BACH2: variants seen among roughly 807,000 people sequenced by gnomAD.
BACH2 encodes the protein transcription regulator protein BACH2.
In BACH2, 5 loss-of-function variants were observed where a neutral mutation model predicts 61.8. The observed-to-expected ratio is 0.08, with a 90% CI of 0.04 to 0.17. The LOEUF (loss-of-function observed/expected upper bound fraction) is 0.17, where lower values mean the gene tolerates loss of function less well. Ranked by LOEUF, BACH2 falls within the 10% of genes least tolerant of loss-of-function variation. BACH2 has a pLI of 1.00. For missense variants in BACH2, 824 were observed against 1,091.1 expected, an observed-to-expected ratio of 0.76 and a Z score of 3.45; for synonymous variants, 446 against 440.1, an observed-to-expected ratio of 1.01 and a Z score of -0.17.
chr6:90,052,585 A>G (rs2127795117), intron 5 of BACH2, among the ~76,000 whole-genome samples: 2 of 152,228 alleles, frequency 1.3e-5, no homozygotes, highest in East Asian at 1.9e-4. Context: ...ATGCCTGGCT[A>G]ATTTTTCATA....
intron 4 of BACH2, among the ~76,000 whole-genome samples, chr6:90,174,941 C>G (rs1767938770): frequency 6.7e-6 from 1 of 149,740 alleles, no homozygotes; most frequent in Admixed American, 6.6e-5. Context: ...ACAAACAAGA[C>G]AGTAAGTAAC....
At chr6:90,076,281 T>A (rs768979943) in intron 5 of BACH2, among the ~76,000 whole-genome samples, 1 of 152,172 alleles carries the variant, frequency 6.6e-6, no homozygotes, top group African/African-American at 2.4e-5. Context: ...TCATAATGCA[T>A]GTCAGATTCT....
chr6:90,096,349 C>T (rs1342767498), intron 4 of BACH2, among the ~76,000 whole-genome samples: 3 of 152,218 alleles, frequency 2.0e-5, no homozygotes, highest in Admixed American at 2.0e-4. Flanking sequence ...AAATATGTCA[C>T]TTGCAGAGAC....
intron 4 of BACH2, among the ~76,000 whole-genome samples, chr6:90,157,058 C>T (rs1232215459): frequency 6.6e-6 from 1 of 152,188 alleles, no homozygotes; most frequent in African/African-American, 2.4e-5. Context: ...TCAAGGCTCA[C>T]AAACAGGAAA....
In BACH2 at chr6:89,931,258, T is replaced by C. The variant is rs532081671; in HGVS notation, c.*1150A>G. 2.0e-5 allele frequency: 3 copies of C among 152,466 alleles called. No individual in the cohort carries two copies. In the East Asian group the frequency reaches 5.6e-4, roughly 29 times the overall value. The allele number at this position is 152,466 out of a possible 1,614,324, so 9.4% of individuals were successfully genotyped here. A position where few individuals can be genotyped will look rare whatever the true frequency, so the allele number is the denominator to read the frequency against. Reference sequence around the variant, plus strand: ...TCCAAACTCTCTCCCCACTTAGGAATCTGAACATCCAGCATCAACTCTGAA... The same window carrying C: ...TCCAAACTCTCTCCCCACTTAGGAACCTGAACATCCAGCATCAACTCTGAA... On this transcript the variant is annotated 3_prime_UTR_variant, in exon 9 of 9. Transcript: ENST00000257749.
In BACH2 at chr6:89,950,433, G is replaced by A; in HGVS notation, c.1673C>T (p.Ala558Val). The A allele has an allele frequency of 6.2e-7, 1 of 1,614,174 alleles. No homozygotes were observed. Among genetic ancestry groups the A allele is most frequent in the Non-Finnish European group, 8.5e-7 (1 of 1,180,028 alleles). The change falls in exon 7 of 9, where the codon GCC becomes GTC. Residue 558 changes from alanine to valine, a missense_variant. Ala to Val is a moderately conservative substitution (Grantham distance 64). Transcript: ENST00000257749. The surrounding 1 kb of genome is among the most constrained non-coding windows in gnomAD (Gnocchi z 5.3). ...SPCSQGARFL[A>V]TEHQEPGLMG... is the part of the protein sequence containing the mutation. ...CAGGCCTGGTTCCTGATGTTCTGTG[G>A]CAAGGAATCTGGCTCCCTGGGAACA...
chr6:90,291,338 G>T (rs923073204), intron 1 of BACH2, among the ~76,000 whole-genome samples: 1 of 152,138 alleles, frequency 6.6e-6, no homozygotes, highest in African/African-American at 2.4e-5. Context: ...TTGAAGTAGT[G>T]TCACTAGCAG....
intron 6 of BACH2, among the ~76,000 whole-genome samples, chr6:89,988,934 C>T (rs944743678): frequency 1.3e-5 from 2 of 152,196 alleles, no homozygotes; most frequent in African/African-American, 4.8e-5. Context: ...GTAGTTCCCT[C>T]AGGTCTGCAA....
intron 3 of BACH2, among the ~76,000 whole-genome samples, chr6:90,227,719 T>C (rs138471667): frequency 6.6e-6 from 1 of 152,200 alleles, no homozygotes; most frequent in East Asian, 1.9e-4. Flanking sequence ...TTTGGTGATC[T>C]GAAATATCAA....
chr6:89,960,661 C>T (rs1006138642), intron 6 of BACH2, among the ~76,000 whole-genome samples: 1 of 152,342 alleles, frequency 6.6e-6, no homozygotes, highest in South Asian at 2.1e-4. Context: ...GCAAATCCTA[C>T]GAAGCCCTTT....
chr6:90,098,585 G>C (rs1026274368), intron 4 of BACH2, among the ~76,000 whole-genome samples: 3 of 152,134 alleles, frequency 2.0e-5, no homozygotes, highest in Non-Finnish European at 4.4e-5. Flanking sequence ...CCCAGAACCA[G>C]ACGCATAGAC....
chr6:90,076,831 C>T (rs1053035889), intron 5 of BACH2, among the ~76,000 whole-genome samples: 2 of 152,160 alleles, frequency 1.3e-5, no homozygotes, highest in African/African-American at 4.8e-5. Flanking sequence ...TCACTCCACT[C>T]AGCCCTAATT....
intron 2 of BACH2, among the ~76,000 whole-genome samples, chr6:90,271,558 G>A (rs1771525730): frequency 6.6e-6 from 1 of 151,944 alleles, no homozygotes; most frequent in African/African-American, 2.4e-5. Context: ...AATTTAAAAA[G>A]AACCTATCAA....
chr6:90,126,769 T>G (rs550615530), intron 4 of BACH2, among the ~76,000 whole-genome samples: 1 of 152,238 alleles, frequency 6.6e-6, no homozygotes, highest in Non-Finnish European at 1.5e-5. Flanking sequence ...GAACCAATTC[T>G]AAAACAGCAA....
intron 4 of BACH2, among the ~76,000 whole-genome samples, chr6:90,106,507 TA>T (rs1562448248): frequency 6.6e-6 from 1 of 152,226 alleles, no homozygotes; most frequent in African/African-American, 2.4e-5. Context: ...GACTATACCA[TA>T]CAGCCTAGCT....
At chr6:90,150,123 C>T (rs982805228) in intron 4 of BACH2, among the ~76,000 whole-genome samples, 1 of 152,126 alleles carries the variant, frequency 6.6e-6, no homozygotes, top group Non-Finnish European at 1.5e-5. Context: ...AGCACCAGAG[C>T]CTTCTCTGTA....
chr6:89,970,104 T>C (rs911060623), intron 6 of BACH2, among the ~76,000 whole-genome samples: 16 of 152,088 alleles, frequency 1.1e-4, no homozygotes, highest in African/African-American at 3.6e-4. Flanking sequence ...ATAGGTGAAA[T>C]TATAAAGTGT....
intron 2 of BACH2, among the ~76,000 whole-genome samples, chr6:90,263,567 C>T (rs1232598823): frequency 2.0e-5 from 3 of 152,176 alleles, no homozygotes; most frequent in African/African-American, 4.8e-5. Flanking sequence ...GATGCATCTA[C>T]ATGCCATCCA....
intron 5 of BACH2, among the ~76,000 whole-genome samples, chr6:90,036,177 C>A (rs1779253682): frequency 6.7e-6 from 1 of 149,904 alleles, no homozygotes; most frequent in African/African-American, 2.5e-5. Context: ...TTTTTCTGGG[C>A]TACATGCAGG....
Sources: allele counts gnomAD v4.1 joint callset (sites outside exome capture counted in the v4.1 genomes callset), GRCh38; gene constraint gnomAD v4.1.1; non-coding constraint Gnocchi (gnomAD v3.1); transcripts MANE v1.5; gene names NCBI Gene and HGNC (gene_info 2026-07-23, HGNC 2026-07-21).